OAT: variants seen among roughly 807,000 people sequenced by gnomAD.
OAT encodes the protein ornithine aminotransferase, mitochondrial.
OAT carries 35 observed loss-of-function variants against 48.4 expected under a neutral mutation model. The observed-to-expected ratio is 0.72, with a 90% CI of 0.55 to 0.96. The LOEUF (loss-of-function observed/expected upper bound fraction) is 0.96, where lower values mean the gene tolerates loss of function less well. Among genes scored for constraint, OAT ranks in the 40% least tolerant of loss-of-function variants. The pLI, the probability that OAT is intolerant of heterozygous loss-of-function variation, is 0.00. For synonymous variants in OAT, 182 were observed against 198.4 expected, an observed-to-expected ratio of 0.92 and a Z score of 0.70; for missense variants, 438 against 537.9, an observed-to-expected ratio of 0.81 and a Z score of 1.84.
chr10:124,411,905 T>C, intron 2 of OAT, 68 bp downstream of exon 2: 2 of 1,407,250 alleles, frequency 1.4e-6, no homozygotes, highest in Non-Finnish European at 2.0e-6. Flanking sequence ...ATTGTGAAAA[T>C]ATGGAAGCAA....
chr10:124,418,360 C>T (rs1251132308), intron 1 of OAT, among the ~76,000 whole-genome samples: 1 of 152,220 alleles, frequency 6.6e-6, no homozygotes, highest in Non-Finnish European at 1.5e-5. Context: ...TACTGCACAG[C>T]TCCCCCGTCC....
intron 1 of OAT, among the ~76,000 whole-genome samples, chr10:124,415,351 G>A (rs947393163): frequency 3.3e-5 from 5 of 151,938 alleles, no homozygotes; most frequent in African/African-American, 1.2e-4. Context: ...GGTTGGCCTC[G>A]AACACCTGGG....
Position 124,408,901 on chromosome 10 carries a change from G to A in OAT, c.264C>T (p.Val88=), listed in dbSNP as rs1951678319. The change falls in exon 3 of 10, where the codon GTC becomes GTT. Residue 88 remains valine, a synonymous_variant. Coordinates refer to ENST00000368845, the MANE Select transcript of OAT (RefSeq NM_000274.4). The part of the protein sequence containing the change: ...YFDFLSSYSA[V]NQGHCHPKIV... ...TCTTGGGGTGACAATGCCCTTGGTTGACAGCACTGTAAGAACTCAGGAAGT... is the reference window on the plus strand; with the variant it reads ...TCTTGGGGTGACAATGCCCTTGGTTAACAGCACTGTAAGAACTCAGGAAGT... The A allele has an allele frequency of 1.2e-6, 2 of 1,613,838 alleles. No homozygotes were observed. The highest frequency in any genetic ancestry group is 2.7e-5 in the African/African-American group (2 of 74,910).
In OAT at chr10:124,412,071, A is replaced by T. The variant is rs747557256; in HGVS notation, c.101T>A (p.Val34Asp). 14 of 1,614,032 alleles carry T rather than the reference A, an allele frequency of 8.7e-6. No individual in the cohort carries two copies. The East Asian group carries it at 2.5e-4, about 28-fold the overall frequency. The change falls in exon 2 of 10, where the codon GTC (valine) becomes GAC (aspartate). Residue 34 changes from valine (V) to aspartate (D), a missense_variant. Physicochemically the swap from Val to Asp is radical, Grantham distance 152 (BLOSUM62 -3). Coordinates refer to ENST00000368845, the MANE Select transcript of OAT (RefSeq NM_000274.4). Reference protein sequence around the residue: ...SATSVATKKTVQGPPTSDDIF... With the variant: ...SATSVATKKTDQGPPTSDDIF... ...GTCATCAGAGGTTGGAGGGCCTTGG[A>T]CTGTTTTTTTAGTTGCAACAGATGT...
chr10:124,398,934 T>C (rs1262240779), intron 9 of OAT, among the ~76,000 whole-genome samples: 1 of 151,928 alleles, frequency 6.6e-6, no homozygotes, highest in South Asian at 2.1e-4. Context: ...GGAGAATCGC[T>C]TGAACCCAGG....
intron 1 of OAT, among the ~76,000 whole-genome samples, chr10:124,418,382 C>A (rs1392203657): frequency 6.6e-6 from 1 of 152,194 alleles, no homozygotes; most frequent in Non-Finnish European, 1.5e-5. Flanking sequence ...CAGAACGCAG[C>A]CTCCCCGCCA....
chr10:124,407,961 A>T (rs1268154707), intron 4 of OAT, among the ~76,000 whole-genome samples: 1 of 152,104 alleles, frequency 6.6e-6, no homozygotes. Context: ...TTCAAACCAC[A>T]GTCTATGTAG....
At chr10:124,403,452 C>A in intron 6 of OAT, 1 of 414,834 alleles carries the variant, frequency 2.4e-6, no homozygotes, top group South Asian at 2.2e-5. Context: ...CTACTATTAG[C>A]CCTGGGGGAA....
intron 6 of OAT, among the ~76,000 whole-genome samples, chr10:124,403,590 A>G (rs1027940201): frequency 6.6e-6 from 1 of 152,262 alleles, no homozygotes; most frequent in African/African-American, 2.4e-5. Context: ...GGCCAGAGAC[A>G]GGAAAAAGTC....
intron 4 of OAT, chr10:124,406,983 G>C: frequency 1.0e-6 from 1 of 985,334 alleles, no homozygotes; most frequent in Non-Finnish European, 1.2e-6. Flanking sequence ...TAAAATAACA[G>C]AGAGGTTGGG....
chr10:124,417,436 C>A (rs1951954688), intron 1 of OAT, among the ~76,000 whole-genome samples: 1 of 151,754 alleles, frequency 6.6e-6, no homozygotes, highest in Non-Finnish European at 1.5e-5. Context: ...AGGCGCGCAC[C>A]ACGATGTCTG....
At chr10:124,418,628 C>T (rs1003013814) in intron 1 of OAT, among the ~76,000 whole-genome samples, 1 of 152,132 alleles carries the variant, frequency 6.6e-6, no homozygotes, top group African/African-American at 2.4e-5. Context: ...GTCGCCACGC[C>T]CCTGCCCCCT....
At chr10:124,414,516 G>C (rs1477134571) in intron 1 of OAT, 1 of 152,094 alleles carries the variant, frequency 6.6e-6, no homozygotes, top group Non-Finnish European at 1.5e-5. Flanking sequence ...TATCTCAAAG[G>C]GGTGGGTACC....
intron 9 of OAT, among the ~76,000 whole-genome samples, chr10:124,399,335 ATTCTTTTTTTTT>A (rs1951332234): frequency 2.0e-5 from 2 of 100,376 alleles, no homozygotes; most frequent in East Asian, 6.9e-4. Flanking sequence ...TCCCCAGGTG[ATTCTTTTTTTTT>A]TTTTTTTTTT....
intron 4 of OAT, chr10:124,405,876 C>A (rs1951561357): frequency 8.4e-7 from 1 of 1,195,806 alleles, no homozygotes; most frequent in South Asian, 1.6e-5. Flanking sequence ...AACCCAAAAC[C>A]AAGCCCTAAC....
In OAT at chr10:124,417,846, ACTGT is replaced by A. The variant is rs148630381; in HGVS notation, c.-30+1023_-30+1026del. Reference sequence around the variant, plus strand: ...GGTAAAGCCACTTCATTCCAAAGTCACTGTCTGTTCGCCCTTAATTTATCACCGT... The same window carrying A: ...GGTAAAGCCACTTCATTCCAAAGTCACTGTTCGCCCTTAATTTATCACCGT... On this transcript the variant is annotated intron_variant, in intron 1 of 9. Transcript: ENST00000368845. Among the ~76,000 whole-genome samples, 715 of 152,350 alleles carry A rather than the reference ACTGT, an allele frequency of 4.7e-3. 17 individuals carry two copies. The highest frequency in any genetic ancestry group is 0.018 in the East Asian group (92 of 5,182).
At chr10:124,403,101 C>T in intron 6 of OAT, 46 bp from the exon 7 acceptor site, 1 of 1,609,692 alleles carries the variant, frequency 6.2e-7, no homozygotes, top group Non-Finnish European at 8.5e-7. Flanking sequence ...CTTTCGTTTC[C>T]ACAGGGAAAA....
Position 124,412,128 on chromosome 10 carries a change from C to T in OAT, c.44G>A (p.Ser15Asn), listed in dbSNP as rs1430118311. 6.2e-7 allele frequency: 1 copy of T among 1,614,148 alleles called. No homozygotes were observed. ...AGCCACTGAAGAATGAACTCCGCGACTAAGTACAGCAAACCTCTGCAAATG... is the reference window on the plus strand; with the variant it reads ...AGCCACTGAAGAATGAACTCCGCGATTAAGTACAGCAAACCTCTGCAAATG... ...LAHLQRFAVL[S>N]RGVHSSVASA... The change falls in exon 2 of 10, where the codon AGT becomes AAT. Residue 15 changes from serine to asparagine, a missense_variant. Coordinates refer to ENST00000368845, the MANE Select transcript of OAT (RefSeq NM_000274.4).
At chr10:124,406,005 A>C (rs1951566946) in intron 4 of OAT, 1 of 1,057,750 alleles carries the variant, frequency 9.5e-7, no homozygotes, top group Non-Finnish European at 1.1e-6. Context: ...ACTGCAGGCT[A>C]ACAACAGAAT....
Sources: allele counts gnomAD v4.1 joint callset (sites outside exome capture counted in the v4.1 genomes callset), GRCh38; gene constraint gnomAD v4.1.1; transcripts MANE v1.5; gene names NCBI Gene and HGNC (gene_info 2026-07-23, HGNC 2026-07-21).